The following PARP15 variants were observed in gnomAD, a reference collection of about 807,000 sequenced individuals.
PARP15 encodes the protein poly(ADP-ribose) polymerase family member 15.
In PARP15, 50 loss-of-function variants were observed where a neutral mutation model predicts 62.1. That is an observed-to-expected ratio of 0.81 (90% CI 0.64 to 1.02). The LOEUF (loss-of-function observed/expected upper bound fraction) is 1.02, where lower values mean the gene tolerates loss of function less well. Ranked by LOEUF, PARP15 falls within the 50% of genes least tolerant of loss-of-function variation. PARP15 has a pLI of 0.00. For missense variants in PARP15, 820 were observed against 826.5 expected, an observed-to-expected ratio of 0.99 and a Z score of 0.10; for synonymous variants, 309 against 293.1, an observed-to-expected ratio of 1.05 and a Z score of -0.55.
intron 4 of PARP15, among the ~76,000 whole-genome samples, chr3:122,613,765 C>T (rs1278777625): frequency 2.0e-5 from 3 of 149,928 alleles, no homozygotes; most frequent in African/African-American, 7.4e-5. Context: ...TAGGTTTAAT[C>T]TCAGTTTTGC....
intron 1 of PARP15, among the ~76,000 whole-genome samples, chr3:122,602,943 G>C (rs1362540022): frequency 6.6e-6 from 1 of 152,192 alleles, no homozygotes; most frequent in African/African-American, 2.4e-5. Flanking sequence ...CTCTATTTCA[G>C]TCTCATGAGT....
chr3:122,592,604 A>C (rs56042705), intron 1 of PARP15, among the ~76,000 whole-genome samples: 1 of 87,924 alleles, frequency 1.1e-5, no homozygotes, highest in African/African-American at 3.6e-5. Context: ...TAAAATAAAT[A>C]TTAAAATTAA....
chr3:122,605,699 A>G (rs1190504461), intron 1 of PARP15, among the ~76,000 whole-genome samples: 1 of 152,076 alleles, frequency 6.6e-6, no homozygotes, highest in Admixed American at 6.6e-5. Context: ...TCAGCCTCCT[A>G]AGTAGTGGGC....
At chr3:122,578,650 T>C (rs1367658748) in intron 1 of PARP15, among the ~76,000 whole-genome samples, 2 of 152,182 alleles carry the variant, frequency 1.3e-5, no homozygotes, top group Admixed American at 6.5e-5. Flanking sequence ...CTAGTCTTCC[T>C]AGAGAGTGCT....
At chr3:122,612,117 G>C (rs1014617268) in intron 3 of PARP15, among the ~76,000 whole-genome samples, 1 of 151,044 alleles carries the variant, frequency 6.6e-6, no homozygotes, top group Non-Finnish European at 1.5e-5. Flanking sequence ...GTGCAGTGGC[G>C]CGATCTTACC....
chr3:122,577,876 G>A (rs1207355779), intron 1 of PARP15, 23 bp downstream of exon 1: 1 of 1,527,076 alleles, frequency 6.5e-7, no homozygotes, highest in East Asian at 2.5e-5. Context: ...GGGGACGGGT[G>A]CGGGAAGGGG....
intron 10 of PARP15, among the ~76,000 whole-genome samples, chr3:122,632,898 AG>A (rs1202762526): frequency 6.6e-6 from 1 of 152,222 alleles, no homozygotes. Flanking sequence ...CTCAAACCAG[AG>A]GTTGCTGATG....
intron 1 of PARP15, among the ~76,000 whole-genome samples, chr3:122,586,636 A>T (rs933908292): frequency 2.5e-4 from 38 of 152,206 alleles, no homozygotes; most frequent in African/African-American, 9.2e-4. Flanking sequence ...TTTTTAAAAA[A>T]TAGTCTTTAA....
At chr3:122,601,636 C>A (rs938098839) in intron 1 of PARP15, among the ~76,000 whole-genome samples, 4 of 152,138 alleles carry the variant, frequency 2.6e-5, no homozygotes, top group Admixed American at 2.6e-4. Flanking sequence ...AATATTCTAT[C>A]GTATGGAAGT....
rs1301911377 is a variant in PARP15, at chr3:122,580,047, A to G, written c.186+2194A>G. ...TATATATATATATATGCACGCGCGC[A>G]CACACACACACAGAGACATTTGTCT... is the stretch of plus-strand genomic sequence containing the variant. On this transcript the variant is annotated intron_variant, in intron 1 of 11. Coordinates refer to ENST00000464300, the MANE Select transcript of PARP15 (RefSeq NM_001113523.3). 4.4e-3 allele frequency among the ~76,000 whole-genome samples: 627 copies of G among 142,734 alleles called. 10 individuals carry two copies. The highest frequency in any genetic ancestry group is 0.015 in the African/African-American group (586 of 38,536). 93.6% of individuals were successfully genotyped at this position (142,734 alleles called of 152,430 possible).
Position 122,600,792 on chromosome 3 carries a change from C to CTT in PARP15, c.187-5133_187-5132dup, listed in dbSNP as rs61033541. On this transcript the variant is annotated intron_variant, in intron 1 of 11. Coordinates refer to ENST00000464300, the MANE Select transcript of PARP15 (RefSeq NM_001113523.3). ...GTATTGCCCCCAAATTCATTATTAC[C>CTT]TTTTTTTTTTTTAAGGAAAGGACTT... Among the ~76,000 whole-genome samples the CTT allele has an allele frequency of 8.9e-4, 129 of 144,156 alleles. 2 individuals are homozygous for CTT. Among genetic ancestry groups the CTT allele is most frequent in the African/African-American group, 3.0e-3 (120 of 39,814 alleles). The allele number at this position is 144,156 out of a possible 152,430, so 94.6% of individuals were successfully genotyped here.
chr3:122,592,112 A>G (rs938678378), intron 1 of PARP15, among the ~76,000 whole-genome samples: 1 of 152,230 alleles, frequency 6.6e-6, no homozygotes, highest in Admixed American at 6.5e-5. Flanking sequence ...AGGAATATAA[A>G]TCATTCTGTT....
At chr3:122,580,312 G>C (rs943400163) in intron 1 of PARP15, among the ~76,000 whole-genome samples, 3 of 151,692 alleles carry the variant, frequency 2.0e-5, no homozygotes, top group Admixed American at 2.0e-4. Flanking sequence ...TCTCAATTTT[G>C]CTTCATATAT....
chr3:122,606,941 C>A (rs933228478), intron 2 of PARP15, among the ~76,000 whole-genome samples: 2 of 152,188 alleles, frequency 1.3e-5, no homozygotes, highest in South Asian at 4.1e-4. Flanking sequence ...TGGAAATATT[C>A]TTTGCATTTG....
intron 10 of PARP15, among the ~76,000 whole-genome samples, chr3:122,633,239 A>G (rs1417137973): frequency 1.3e-5 from 2 of 152,144 alleles, no homozygotes; most frequent in Non-Finnish European, 2.9e-5. Context: ...CATTCTCAGT[A>G]CCTAGGAAGC....
chr3:122,633,998 C>A (rs945495375), intron 10 of PARP15, among the ~76,000 whole-genome samples: 4 of 151,682 alleles, frequency 2.6e-5, no homozygotes, highest in Admixed American at 2.6e-4. Flanking sequence ...CTCCAGTCAA[C>A]CCCCTCACAC....
chr3:122,610,608 A>T lies in PARP15; in HGVS notation c.421A>T (p.Arg141Trp), dbSNP rs2107534392. 6.4e-7 allele frequency: 1 copy of T among 1,551,834 alleles called. No individual in the cohort carries two copies. Among genetic ancestry groups the T allele is most frequent in the East Asian group, 2.4e-5 (1 of 40,930 alleles). The change falls in exon 3 of 12, where the codon AGG (arginine) becomes TGG (tryptophan). Residue 141 changes from arginine to tryptophan, a missense_variant. Transcript: ENST00000464300. ...GCTCCAGAAAGAGTTAGATGACAGA[A>T]GGCGGGAAACAGAGGAAAAAGTAGG... ...PMLQKELDDR[R>W]RETEEKVGNI...
At chr3:122,621,089 C>T (rs73192177) in intron 7 of PARP15, among the ~76,000 whole-genome samples, 2,899 of 152,176 alleles carry the variant, frequency 0.019, 46 homozygotes, top group Middle Eastern at 0.044. Flanking sequence ...TGCTTGGGTT[C>T]GAGTCCTAGG....
At position 122,632,188 on chromosome 3, in the gene PARP15, C is replaced by T. The variant is rs751195815; in HGVS notation, c.1541C>T (p.Thr514Ile). ...TATAATACCATAAAGGACAAGTTCA[C>T]CCGAACTTGTTCTTCCTACGCAATA... Reference protein sequence around the residue: ...SEYNTIKDKFTRTCSSYAIEK... With the variant: ...SEYNTIKDKFIRTCSSYAIEK... Residue 514 changes from threonine (T) to isoleucine (I), a missense_variant, in exon 10 of 12, where the codon ACC becomes ATC. Physicochemically the swap from Thr to Ile is moderately conservative, Grantham distance 89. This residue lies in a region of PARP15 where 731 missense variants were observed against 727.7 expected (regional missense o/e 1.00). Transcript: ENST00000464300. 2.5e-6 allele frequency: 4 copies of T among 1,613,416 alleles called. No individual in the cohort carries two copies. The highest frequency in any genetic ancestry group is 1.1e-5 in the South Asian group (1 of 91,062).
Sources: gnomAD v4.1 joint callset for allele counts (sites outside exome capture counted in the v4.1 genomes callset) on GRCh38, gnomAD v4.1.1 for gene constraint, gnomAD v4.1.1 regional missense constraint, MANE v1.5 for transcripts, NCBI Gene and HGNC (gene_info 2026-07-23, HGNC 2026-07-21) for gene names.